The following BCAS3 variants were observed in gnomAD, a reference collection of about 807,000 sequenced individuals.
BCAS3 encodes BCAS3 microtubule associated cell migration factor.
Under a neutral mutation model 116.1 loss-of-function variants are expected in BCAS3, and 53 were observed. That is an observed-to-expected ratio of 0.46 (90% CI 0.37 to 0.57). The LOEUF (loss-of-function observed/expected upper bound fraction) is 0.57. Among genes scored for constraint, BCAS3 ranks in the 20% least tolerant of loss-of-function variants. The probability of loss-of-function intolerance (pLI) is 0.00; values close to 1 mark genes in which losing one functional copy is unlikely to be tolerated. For missense variants in BCAS3, 917 were observed against 1,165.4 expected, an observed-to-expected ratio of 0.79 and a Z score of 3.10; for synonymous variants, 391 against 408.2, an observed-to-expected ratio of 0.96 and a Z score of 0.51.
At chr17:60,802,036 A>G (rs1466319536) in intron 6 of BCAS3, among the ~76,000 whole-genome samples, 1 of 152,050 alleles carries the variant, frequency 6.6e-6, no homozygotes, top group Non-Finnish European at 1.5e-5. Context: ...TTTAAAAACA[A>G]TATATGCCTG....
In BCAS3 at chr17:60,807,372, C is replaced by T. The variant is rs180698737; in HGVS notation, c.404-632C>T. Reference sequence around the variant, plus strand: ...GTCTTGAACTACCTTTATTTAGTTTCGACATCAATATTATTACTAGTTTTA... The same window carrying T: ...GTCTTGAACTACCTTTATTTAGTTTTGACATCAATATTATTACTAGTTTTA... On this transcript the variant is annotated intron_variant, in intron 6 of 23. Coordinates refer to ENST00000407086, the MANE Select transcript of BCAS3 (RefSeq NM_017679.5). Among the ~76,000 whole-genome samples, 634 of 151,998 alleles carry T rather than the reference C, an allele frequency of 4.2e-3. 2 individuals are homozygous for T. The highest frequency in any genetic ancestry group is 0.01 in the Middle Eastern group (3 of 292).
chr17:61,006,502 T>G (rs2064722324), intron 15 of BCAS3, among the ~76,000 whole-genome samples: 1 of 152,112 alleles, frequency 6.6e-6, no homozygotes, highest in African/African-American at 2.4e-5. Context: ...GTAAAGCATT[T>G]CTATTTACTC....
chr17:61,371,723 T>TA (rs2059056323), intron 23 of BCAS3, among the ~76,000 whole-genome samples: 1 of 152,156 alleles, frequency 6.6e-6, no homozygotes, highest in Admixed American at 6.5e-5. Context: ...AAAATATATA[T>TA]TTTTTTAAAA....
At chr17:60,917,221 G>A (rs1196553678) in intron 12 of BCAS3, among the ~76,000 whole-genome samples, 1 of 152,146 alleles carries the variant, frequency 6.6e-6, no homozygotes, top group Non-Finnish European at 1.5e-5. Flanking sequence ...TACATTTGTA[G>A]TGTTATATAA....
At chr17:61,373,452 T>C (rs1430693475) in intron 23 of BCAS3, among the ~76,000 whole-genome samples, 1 of 146,784 alleles carries the variant, frequency 6.8e-6, no homozygotes, top group African/African-American at 2.5e-5. Flanking sequence ...ACTGTTAACA[T>C]TTTTTTTTTC....
At chr17:60,918,669 A>T (rs1023933268) in intron 12 of BCAS3, among the ~76,000 whole-genome samples, 1 of 144,080 alleles carries the variant, frequency 6.9e-6, no homozygotes, top group Admixed American at 6.9e-5. Flanking sequence ...TGTTTCATCT[A>T]GTCTATTGTT....
intron 22 of BCAS3, among the ~76,000 whole-genome samples, chr17:61,238,163 C>T (rs924330396): frequency 1.3e-5 from 2 of 152,056 alleles, no homozygotes; most frequent in African/African-American, 4.8e-5. Flanking sequence ...AGCGATTTTC[C>T]TACCTCAGCC....
intron 7 of BCAS3, among the ~76,000 whole-genome samples, chr17:60,825,087 G>A (rs2050265991): frequency 6.6e-6 from 1 of 151,442 alleles, no homozygotes; most frequent in Non-Finnish European, 1.5e-5. Flanking sequence ...GATTGCTGGA[G>A]CCCAGGAGGT....
intron 10 of BCAS3, among the ~76,000 whole-genome samples, chr17:60,895,526 T>C (rs532163959): frequency 3.5e-4 from 53 of 152,304 alleles, no homozygotes; most frequent in African/African-American, 1.3e-3. Context: ...ATCTTTTGTA[T>C]TGTTTCATTA....
chr17:60,743,364 T>A (rs1194310027), intron 5 of BCAS3, among the ~76,000 whole-genome samples: 1 of 152,116 alleles, frequency 6.6e-6, no homozygotes, highest in African/African-American at 2.4e-5. Flanking sequence ...TGAAAAGAGA[T>A]GTAGCAGGAC....
rs2074643006 is a variant in BCAS3 at position 61,106,251 on chromosome 17, T to C, written c.2425+21687T>C. On this transcript the variant is annotated intron_variant, in intron 22 of 23. Transcript: ENST00000407086. This position sits in a 1 kb window ranked among gnomAD's most constrained non-coding sequence, Gnocchi z 4.2. ...ATGGTATATACAGTCATGTATGGCA[T>C]AGTGACCTTTCAGTCAACAGTGGAC... Among the ~76,000 whole-genome samples, 1 of 152,250 alleles carries C rather than the reference T, an allele frequency of 6.6e-6. No individual in the cohort carries two copies. Among genetic ancestry groups the C allele is most frequent in the South Asian group, 2.1e-4 (1 of 4,834 alleles).
intron 9 of BCAS3, 138 bp downstream of exon 9, chr17:60,874,876 A>G (rs2055447458): frequency 1.9e-6 from 1 of 538,256 alleles, no homozygotes; most frequent in East Asian, 3.1e-5. Flanking sequence ...TTCTGTGGCT[A>G]TTCTCATTGA....
At chr17:60,982,740 A>AT (rs144279327) in intron 14 of BCAS3, among the ~76,000 whole-genome samples, 15,799 of 152,186 alleles carry the variant, frequency 0.1, 2,464 homozygotes, top group African/African-American at 0.34. Flanking sequence ...ATCAACAAAA[A>AT]TTTTGTCAAA....
intron 15 of BCAS3, among the ~76,000 whole-genome samples, chr17:61,014,817 T>C (rs1404453866): frequency 1.3e-5 from 2 of 152,152 alleles, no homozygotes; most frequent in African/African-American, 4.8e-5. Flanking sequence ...GTACAAAAGT[T>C]ACCTGTATTT....
rs544716202 is a variant in BCAS3, at chr17:61,194,395, G to A, written c.2425+109831G>A. On this transcript the variant is annotated intron_variant, in intron 22 of 23. Transcript: ENST00000407086. ...GCAAGTGAAAGCTGACTGAAATTAT[G>A]AGCTGCCTTTAAAGCAATTCTAGCC... Among the ~76,000 whole-genome samples the A allele has an allele frequency of 7.9e-5, 12 of 152,196 alleles. No homozygotes were observed. In the South Asian group the frequency reaches 2.5e-3, roughly 32 times the overall value.
rs117026998 is a variant in BCAS3 at position 61,012,396 on chromosome 17, G to A, written c.1487-3355G>A. 9.2e-3 allele frequency among the ~76,000 whole-genome samples: 1,403 copies of A among 152,066 alleles called. 17 individuals are homozygous for A. Among genetic ancestry groups the A allele is most frequent in the Non-Finnish European group, 0.014 (943 of 67,926 alleles). ...CTGTTACCTTGATTTTATCCTATCA[G>A]CAGTTCCTTTGCTTATGGCTTACAA... On this transcript the variant is annotated intron_variant, in intron 15 of 23. Transcript: ENST00000407086. The surrounding 1 kb of genome is among the most constrained non-coding windows in gnomAD (Gnocchi z 4.5).
intron 13 of BCAS3, among the ~76,000 whole-genome samples, chr17:60,933,858 T>A (rs1443715634): frequency 6.6e-6 from 1 of 152,224 alleles, no homozygotes; most frequent in Non-Finnish European, 1.5e-5. Flanking sequence ...CTTTTTTCAT[T>A]AGAAGAGGAT....
intron 13 of BCAS3, among the ~76,000 whole-genome samples, chr17:60,945,428 C>T (rs2060432511): frequency 6.6e-6 from 1 of 152,246 alleles, no homozygotes; most frequent in Non-Finnish European, 1.5e-5. Context: ...TCAAGATTTT[C>T]TGTGAAGTTA....
chr17:61,314,034 A>C (rs1300074002), intron 22 of BCAS3, among the ~76,000 whole-genome samples: 1 of 152,202 alleles, frequency 6.6e-6, no homozygotes, highest in Non-Finnish European at 1.5e-5. Context: ...CTTGCTTGGC[A>C]TCTTAGGATA....
Sources: allele counts gnomAD v4.1 joint callset (sites outside exome capture counted in the v4.1 genomes callset), GRCh38; gene constraint gnomAD v4.1.1; non-coding constraint Gnocchi (gnomAD v3.1); transcripts MANE v1.5; gene names NCBI Gene and HGNC (gene_info 2026-07-23, HGNC 2026-07-21).